The following CCNT2 variants were observed in gnomAD, a reference collection of about 807,000 sequenced individuals.
CCNT2 encodes cyclin T2.
Under a neutral mutation model 70.0 loss-of-function variants are expected in CCNT2, and 18 were observed. The ratio of observed to expected loss-of-function variants is 0.26; its 90% CI spans 0.18 to 0.38. The LOEUF is 0.38. Among genes scored for constraint, CCNT2 ranks in the 10% least tolerant of loss-of-function variants. The probability of loss-of-function intolerance (pLI) is 1.00; values close to 1 mark genes in which losing one functional copy is unlikely to be tolerated. For synonymous variants in CCNT2, 334 were observed against 313.3 expected (o/e 1.07, Z -0.70); for missense variants, 734 against 890.2 (o/e 0.82, Z 2.23).
At chr2:134,943,100 A>AT in intron 5 of CCNT2, 4 of 985,350 alleles carry the variant, frequency 4.1e-6, no homozygotes, top group Non-Finnish European at 4.8e-6. Flanking sequence ...TCAGATAAAA[A>AT]TTGCCTTTGT....
At chr2:134,952,583 A>C in intron 7 of CCNT2, 58 bp from the exon 8 acceptor site, 1 of 1,029,668 alleles carries the variant, frequency 9.7e-7, no homozygotes, top group South Asian at 1.5e-5. Context: ...TGCCCACTTA[A>C]GAGAAATTTA....
At chr2:134,924,490 C>T (rs1479654245) in intron 2 of CCNT2, among the ~76,000 whole-genome samples, 1 of 152,138 alleles carries the variant, frequency 6.6e-6, no homozygotes, top group Non-Finnish European at 1.5e-5. Context: ...GGTCTTGTCG[C>T]CCAGGCTGGA....
At chr2:134,926,779 T>C (rs1680331513) in intron 2 of CCNT2, among the ~76,000 whole-genome samples, 2 of 152,226 alleles carry the variant, frequency 1.3e-5, no homozygotes, top group African/African-American at 4.8e-5. Context: ...AGGAATGGCT[T>C]GTCATGTGAT....
rs1200234987 is a variant in CCNT2 at position 134,949,808 on chromosome 2, G to GGA, written c.703+1910_703+1911insAG. The stretch of plus-strand genomic sequence containing the variant: ...GTAGGCAAAATTTTTTTTTCGGGGG[G>GGA]GGGGTGGGGGACAGAGTCTCAGTCG... On this transcript the variant is annotated intron_variant, in intron 7 of 8. Transcript: ENST00000264157. 2.2e-5 allele frequency among the ~76,000 whole-genome samples: 3 copies of GGA among 136,682 alleles called. No homozygotes were observed. The Admixed American group carries it at 2.2e-4, about 10-fold the overall frequency. The allele number at this position is 136,682 out of a possible 152,430, so 89.7% of individuals were successfully genotyped here.
At chr2:134,945,963 T>G in intron 5 of CCNT2, 138 bp from the exon 6 acceptor site, 1 of 1,567,128 alleles carries the variant, frequency 6.4e-7, no homozygotes, top group Non-Finnish European at 8.6e-7. Context: ...ATGATGGCGC[T>G]CTTGTGATAT....
chr2:134,944,992 A>G (rs1681846618), intron 5 of CCNT2: 1 of 985,264 alleles, frequency 1.0e-6, no homozygotes, highest in Non-Finnish European at 1.2e-6. Context: ...GAAAGTTGGT[A>G]TTATGCTACT....
At position 134,956,335 on chromosome 2, in the gene CCNT2, T is replaced by C. The variant is rs1299306677; in HGVS notation, c.*1687T>C. Reference sequence around the variant, plus strand: ...ATTGTTCATTATTTTGTCAATGTTATTTGAACTTGGGGTACTTAGGAGCCT... The same window carrying C: ...ATTGTTCATTATTTTGTCAATGTTACTTGAACTTGGGGTACTTAGGAGCCT... On this transcript the variant is annotated 3_prime_UTR_variant, in exon 9 of 9. Transcript: ENST00000264157. The C allele has an allele frequency of 6.6e-6, 1 of 152,640 alleles. No individual in the cohort carries two copies. The highest frequency in any genetic ancestry group is 1.5e-5 in the Non-Finnish European group (1 of 68,016). 9.5% of individuals were successfully genotyped at this position (152,640 alleles called of 1,614,324 possible).
intron 5 of CCNT2, chr2:134,944,694 T>A: frequency 1.0e-6 from 1 of 983,680 alleles, no homozygotes; most frequent in Non-Finnish European, 1.2e-6. Flanking sequence ...GACTAACATT[T>A]CAGGTAACTA....
At chr2:134,919,192 A>C (rs1225292735) in intron 1 of CCNT2, among the ~76,000 whole-genome samples, 180 bp downstream of exon 1, 1 of 152,056 alleles carries the variant, frequency 6.6e-6, no homozygotes, top group South Asian at 2.1e-4. Context: ...GGAGGAGGAG[A>C]TAGGACCCCA....
Position 134,953,388 on chromosome 2 carries a change from G to T in CCNT2, c.933G>T (p.Ala311=). The T allele has an allele frequency of 1.2e-6, 2 of 1,601,590 alleles. No homozygotes were observed. Among genetic ancestry groups the T allele is most frequent in the East Asian group, 2.3e-5 (1 of 43,802 alleles). ...AACCATCTACATCAGCATTCCCTGC[G>T]CCAGTACCTCTAAATTCAGGAAATA... ...FQKPSTSAFP[A]PVPLNSGNIS... The change falls in exon 9 of 9, where the codon GCG becomes GCT. Residue 311 remains alanine, a synonymous_variant. Transcript: ENST00000264157.
rs1416731712 is a variant in CCNT2 at position 134,953,227 on chromosome 2, T to C, written c.775-3T>C. The stretch of plus-strand genomic sequence containing the variant: ...CTGCTTCTTCTGTGTTTTATTTTAA[T>C]AGGCTAATCAGGCAGCTAGGAAACC... On this transcript the variant is annotated splice_polypyrimidine_tract_variant and splice_region_variant and intron_variant, in intron 8 of 8. Transcript: ENST00000264157. 6.3e-7 allele frequency: 1 copy of C among 1,595,606 alleles called. No individual in the cohort carries two copies. The highest frequency in any genetic ancestry group is 2.2e-5 in the East Asian group (1 of 44,546).
rs1683079404 is a variant in CCNT2 at position 134,959,239 on chromosome 2, A to G, written c.*4591A>G. On this transcript the variant is annotated 3_prime_UTR_variant, in exon 9 of 9. Coordinates refer to ENST00000264157, the MANE Select transcript of CCNT2 (RefSeq NM_058241.3). ...ACAATTGAACAGGATGTTTGCTAATAGAAAATCTAAAACAGGAATATGTGT... is the reference window on the plus strand; with the variant it reads ...ACAATTGAACAGGATGTTTGCTAATGGAAAATCTAAAACAGGAATATGTGT... 6.6e-6 allele frequency: 1 copy of G among 152,260 alleles called. No homozygotes were observed. The highest frequency in any genetic ancestry group is 1.5e-5 in the Non-Finnish European group (1 of 68,046). 9.4% of individuals were successfully genotyped at this position (152,260 alleles called of 1,614,324 possible). A position where few individuals can be genotyped will look rare whatever the true frequency, so the allele number is the denominator to read the frequency against.
chr2:134,947,526 G>A (rs188317708), intron 6 of CCNT2, among the ~76,000 whole-genome samples: 147 of 151,956 alleles, frequency 9.7e-4, no homozygotes, highest in African/African-American at 3.4e-3. Context: ...TAATATACTC[G>A]GGAGTGAGTG....
intron 5 of CCNT2, chr2:134,944,446 A>G (rs1681802409): frequency 3.1e-6 from 3 of 966,292 alleles, no homozygotes; most frequent in South Asian, 4.8e-5. Flanking sequence ...TCAACTTTAA[A>G]TTCTTTATCA....
chr2:134,929,540 T>C (rs12991980), intron 2 of CCNT2, among the ~76,000 whole-genome samples: 25 of 148,730 alleles, frequency 1.7e-4, no homozygotes, highest in Admixed American at 1.5e-3. Context: ...CCCAGGAGGT[T>C]GAGGCTGCAG....
At chr2:134,946,265 G>GGT in intron 6 of CCNT2, 119 bp downstream of exon 6, 1 of 1,306,164 alleles carries the variant, frequency 7.7e-7, no homozygotes, top group Non-Finnish European at 1.1e-6. Flanking sequence ...CATCTACTGT[G>GGT]GTGGTACCTT....
intron 5 of CCNT2, chr2:134,943,489 CT>C: frequency 1.0e-6 from 1 of 984,888 alleles, no homozygotes; most frequent in South Asian, 4.7e-5. Flanking sequence ...TTTCGAGGGT[CT>C]TTGACATTAC....
chr2:134,928,274 CTTTT>C lies in CCNT2; in HGVS notation c.240+8399_240+8402del, dbSNP rs551173090. Among the ~76,000 whole-genome samples the C allele has an allele frequency of 7.1e-4, 68 of 96,422 alleles. 3 individuals are homozygous for C. In the Admixed American group the frequency reaches 8.3e-3, roughly 12 times the overall value. The allele number at this position is 96,422 out of a possible 152,430, so 63.3% of individuals were successfully genotyped here. ...CCATGCCCGGCCTCACATTGTATTT[CTTTT>C]TTTTTTTTTTTTTTTCTGAGACGGA... On this transcript the variant is annotated intron_variant, in intron 2 of 8. Coordinates refer to ENST00000264157, the MANE Select transcript of CCNT2 (RefSeq NM_058241.3).
chr2:134,954,351 C>A lies in CCNT2; in HGVS notation c.1896C>A (p.Ser632=), dbSNP rs372743419. 1.2e-5 allele frequency: 19 copies of A among 1,614,074 alleles called. No homozygotes were observed. The highest frequency in any genetic ancestry group is 1.5e-5 in the Non-Finnish European group (18 of 1,180,038). Residue 632 remains serine (S), a synonymous_variant, in exon 9 of 9, where the codon TCC becomes TCA. Coordinates refer to ENST00000264157, the MANE Select transcript of CCNT2 (RefSeq NM_058241.3). ...HVNDASHNHH[S]KMSKSSKSSG... Reference sequence around the variant, plus strand: ...ATGATGCATCTCACAACCACCACTCCAAAATGAGCAAAAGTTCCAAAAGTT... The same window carrying A: ...ATGATGCATCTCACAACCACCACTCAAAAATGAGCAAAAGTTCCAAAAGTT...
Sources: gnomAD v4.1 joint callset for allele counts (sites outside exome capture counted in the v4.1 genomes callset) on GRCh38, gnomAD v4.1.1 for gene constraint, MANE v1.5 for transcripts, NCBI Gene and HGNC (gene_info 2026-07-23, HGNC 2026-07-21) for gene names.